Variants in ARHGAP24 observed in about 807,000 individuals in gnomAD.
ARHGAP24 encodes Rho GTPase activating protein 24.
ARHGAP24 carries 50 observed loss-of-function variants against 76.4 expected under a neutral mutation model. That is an observed-to-expected ratio of 0.65 (90% CI 0.52 to 0.83). The LOEUF (loss-of-function observed/expected upper bound fraction) is 0.83, where lower values mean the gene tolerates loss of function less well. Among genes scored for constraint, ARHGAP24 ranks in the 40% least tolerant of loss-of-function variants. The pLI is 0.00. For missense variants in ARHGAP24, 930 were observed against 914.2 expected, an observed-to-expected ratio of 1.02 and a Z score of -0.22; for synonymous variants, 345 against 323.3, an observed-to-expected ratio of 1.07 and a Z score of -0.72.
chr4:85,800,452 CA>C (rs1393267207), intron 3 of ARHGAP24, among the ~76,000 whole-genome samples: 4 of 150,426 alleles, frequency 2.7e-5, no homozygotes, highest in Non-Finnish European at 4.4e-5. Context: ...GGTAAAATAG[CA>C]AAATCTTAAA....
chr4:85,843,267 A>G (rs1273474996), intron 3 of ARHGAP24, among the ~76,000 whole-genome samples: 1 of 152,142 alleles, frequency 6.6e-6, no homozygotes, highest in African/African-American at 2.4e-5. Context: ...TAACATAAAA[A>G]TAGATTAGCA....
chr4:85,991,181 A>C (rs139179928), intron 8 of ARHGAP24: 3 of 152,248 alleles, frequency 2.0e-5, no homozygotes, highest in African/African-American at 7.2e-5. Context: ...CTAAAATGTA[A>C]ACCATAATGA....
intron 3 of ARHGAP24, among the ~76,000 whole-genome samples, chr4:85,836,654 T>A (rs550292421): frequency 5.1e-4 from 77 of 152,336 alleles, no homozygotes; most frequent in Non-Finnish European, 9.3e-4. Flanking sequence ...GACTTCAACA[T>A]ATCTTTCCTG....
chr4:85,583,613 G>A (rs1025291589), intron 2 of ARHGAP24, among the ~76,000 whole-genome samples: 21 of 151,822 alleles, frequency 1.4e-4, no homozygotes, highest in African/African-American at 1.2e-4. Context: ...AAACTAAAGA[G>A]CTTCTGCACA....
At chr4:85,502,312 G>A (rs1214746207) in intron 1 of ARHGAP24, among the ~76,000 whole-genome samples, 2 of 152,086 alleles carry the variant, frequency 1.3e-5, no homozygotes, top group Non-Finnish European at 2.9e-5. Context: ...ATTACCTTGG[G>A]CAGTATGGCC....
At chr4:85,981,247 A>G (rs1179267032) in intron 8 of ARHGAP24, among the ~76,000 whole-genome samples, 1 of 152,212 alleles carries the variant, frequency 6.6e-6, no homozygotes, top group East Asian at 1.9e-4. Context: ...TTTAGCAGAC[A>G]CATTCTCAAA....
intron 1 of ARHGAP24, among the ~76,000 whole-genome samples, chr4:85,498,377 A>C (rs1723661449): frequency 6.6e-6 from 1 of 152,224 alleles, no homozygotes; most frequent in Admixed American, 6.5e-5. Context: ...GAGAGAAAGC[A>C]GACTGAATAG....
At chr4:85,713,692 A>G (rs1456323149) in intron 2 of ARHGAP24, among the ~76,000 whole-genome samples, 3 of 152,154 alleles carry the variant, frequency 2.0e-5, no homozygotes, top group African/African-American at 7.2e-5. Context: ...TAAGATGACA[A>G]TAGTTCTGGC....
chr4:85,608,611 A>G (rs1182806758), intron 2 of ARHGAP24, among the ~76,000 whole-genome samples: 6 of 142,858 alleles, frequency 4.2e-5, no homozygotes, highest in African/African-American at 1.6e-4. Context: ...AGGCTGGAGT[A>G]CAATGGCATG....
chr4:85,620,684 A>T (rs990632437), intron 2 of ARHGAP24, among the ~76,000 whole-genome samples: 2 of 151,776 alleles, frequency 1.3e-5, no homozygotes, highest in Non-Finnish European at 2.9e-5. Flanking sequence ...CCTATCTTCT[A>T]CAAACTTTGG....
chr4:85,586,598 C>G (rs756871941), intron 2 of ARHGAP24, among the ~76,000 whole-genome samples: 23 of 152,084 alleles, frequency 1.5e-4, no homozygotes, highest in Non-Finnish European at 1.0e-4. Flanking sequence ...GATTCTCAGG[C>G]TTAATAAAGT....
chr4:85,706,578 T>C (rs7666211), intron 2 of ARHGAP24, among the ~76,000 whole-genome samples: 46,906 of 151,386 alleles, frequency 0.31, 8,250 homozygotes, highest in African/African-American at 0.47. Flanking sequence ...TTTTCTTTTT[T>C]CTTTTGAGAT....
chr4:85,612,792 C>CTTTTTT (rs70948739), intron 2 of ARHGAP24, among the ~76,000 whole-genome samples: 12,685 of 82,648 alleles, frequency 0.15, 1,720 homozygotes, highest in East Asian at 0.57. Context: ...CTTTCCATTC[C>CTTTTTT]TTTTTTTTTT....
chr4:85,494,776 A>C (rs1380684293), intron 1 of ARHGAP24, among the ~76,000 whole-genome samples: 5 of 152,150 alleles, frequency 3.3e-5, no homozygotes, highest in Non-Finnish European at 1.5e-5. Flanking sequence ...ACGGAATACA[A>C]GATAAAACTT....
intron 3 of ARHGAP24, among the ~76,000 whole-genome samples, chr4:85,923,081 G>C (rs1209608709): frequency 6.6e-6 from 1 of 152,032 alleles, no homozygotes. Context: ...TTGCCCTCCT[G>C]AAGTTGTGAT....
chr4:85,864,535 A>G (rs1377747312), intron 3 of ARHGAP24, among the ~76,000 whole-genome samples: 1 of 152,126 alleles, frequency 6.6e-6, no homozygotes, highest in East Asian at 1.9e-4. Context: ...TGGTTTGGCA[A>G]AGATATCTAT....
At chr4:85,513,562 A>T (rs962595464) in intron 1 of ARHGAP24, among the ~76,000 whole-genome samples, 3 of 151,298 alleles carry the variant, frequency 2.0e-5, no homozygotes, top group African/African-American at 2.4e-5. Flanking sequence ...TTTTTTTTAA[A>T]AAAAAAAGCT....
intron 2 of ARHGAP24, among the ~76,000 whole-genome samples, chr4:85,703,709 G>T (rs185020363): frequency 7.7e-4 from 117 of 152,262 alleles, no homozygotes; most frequent in Middle Eastern, 6.8e-3. Flanking sequence ...CTGTGAGAAA[G>T]ACATTTATCC....
At chr4:85,504,688 G>A (rs917028288) in intron 1 of ARHGAP24, among the ~76,000 whole-genome samples, 2 of 152,104 alleles carry the variant, frequency 1.3e-5, no homozygotes, top group Non-Finnish European at 2.9e-5. Context: ...GCCAGTTGGT[G>A]TCTTTTAATT....
Sources: gnomAD v4.1 joint callset for allele counts (sites outside exome capture counted in the v4.1 genomes callset) on GRCh38, gnomAD v4.1.1 for gene constraint, MANE v1.5 for transcripts, NCBI Gene and HGNC (gene_info 2026-07-23, HGNC 2026-07-21) for gene names.